IGLON5: variants seen among roughly 807,000 people sequenced by gnomAD.
IGLON5 encodes IgLON family member 5, also known as Ig-like domain-containing protein ENSP00000270642.
Under a neutral mutation model 38.2 loss-of-function variants are expected in IGLON5, and 16 were observed. The observed-to-expected ratio is 0.42, with a 90% CI of 0.28 to 0.64. The LOEUF is 0.64. Among genes scored for constraint, IGLON5 ranks in the 30% least tolerant of loss-of-function variants. The pLI is 0.23. For synonymous variants in IGLON5, 207 were observed against 216.4 expected, an observed-to-expected ratio of 0.96 and a Z score of 0.38; for missense variants, 366 against 483.4, an observed-to-expected ratio of 0.76 and a Z score of 2.28.
intron 1 of IGLON5, among the ~76,000 whole-genome samples, chr19:51,317,640 C>G (rs1984953783): frequency 6.6e-6 from 1 of 152,190 alleles, no homozygotes; most frequent in Admixed American, 6.5e-5. Context: ...CTCCCCGCTC[C>G]CCTGAGTGGA....
intron 1 of IGLON5, among the ~76,000 whole-genome samples, chr19:51,314,604 T>A (rs1984868748): frequency 6.6e-6 from 1 of 152,174 alleles, no homozygotes; most frequent in East Asian, 1.9e-4. Flanking sequence ...TGGTCTTAGG[T>A]TCCCCTTTTG....
intron 4 of IGLON5, 99 bp from the exon 5 acceptor site, chr19:51,326,665 C>A: frequency 1.0e-5 from 7 of 700,016 alleles, no homozygotes; most frequent in Non-Finnish European, 1.5e-5. Context: ...CAGGCCTTGC[C>A]GTGCCCGCCC....
Position 51,325,299 on chromosome 19 carries a change from G to T in IGLON5, c.392-47G>T. 1 of 1,595,296 alleles carries T rather than the reference G, an allele frequency of 6.3e-7. No individual in the cohort carries two copies. The highest frequency in any genetic ancestry group is 8.5e-7 in the Non-Finnish European group (1 of 1,171,446). On this transcript the variant is annotated intron_variant, in intron 3 of 7. Coordinates refer to ENST00000270642, the MANE Select transcript of IGLON5 (RefSeq NM_001101372.3). This position sits in a 1 kb window ranked among gnomAD's most constrained non-coding sequence, Gnocchi z 5.5. ...GGGTCTGAAGGAGGAAGGGCTGGGG[G>T]CCTGGATTCCTGGGCATCCATATTC...
rs1984942789 is a variant in IGLON5 at position 51,317,035 on chromosome 19, T to C, written c.80-5029T>C. Among the ~76,000 whole-genome samples the C allele has an allele frequency of 2.0e-5, 3 of 151,746 alleles. No individual in the cohort carries two copies. In the South Asian group the frequency reaches 6.2e-4, roughly 32 times the overall value. On this transcript the variant is annotated intron_variant, in intron 1 of 7. Coordinates refer to ENST00000270642, the MANE Select transcript of IGLON5 (RefSeq NM_001101372.3). ...CGACCCCTGCCAACCATTTCAGGGT[T>C]CCAGCTTTGCCTAAGCTCCTTGGCA...
rs1985157530 is a variant in IGLON5 at position 51,324,166 on chromosome 19, A to G, written c.391+272A>G. ...TTCATTTGTTCAGCCCCATTCCTGG[A>G]GGGCCTACTCTGTGTAAGCATTGAT... is the stretch of plus-strand genomic sequence containing the variant. On this transcript the variant is annotated intron_variant, in intron 3 of 7. Transcript: ENST00000270642. The surrounding 1 kb of genome is among the most constrained non-coding windows in gnomAD (Gnocchi z 4.2). Among the ~76,000 whole-genome samples the G allele has an allele frequency of 6.6e-6, 1 of 152,162 alleles. No individual in the cohort carries two copies. Among genetic ancestry groups the G allele is most frequent in the South Asian group, 2.1e-4 (1 of 4,838 alleles).
chr19:51,322,105 A>T lies in IGLON5; in HGVS notation c.121A>T (p.Asn41Tyr). ...QSLEFNSPAD[N>Y]YTVCEGDNAT... ...CCTGGAGTTCAACTCTCCTGCCGAC[A>T]ACTACACAGTGTGTGAAGGTGACAA... is the stretch of plus-strand genomic sequence containing the variant. The change falls in exon 2 of 8, where the codon AAC becomes TAC. Residue 41 changes from asparagine to tyrosine, a missense_variant. Transcript: ENST00000270642. 6.2e-7 allele frequency: 1 copy of T among 1,613,376 alleles called. No homozygotes were observed. Among genetic ancestry groups the T allele is most frequent in the Non-Finnish European group, 8.5e-7 (1 of 1,179,848 alleles).
rs60928654 is a variant in IGLON5 at position 51,329,827 on chromosome 19, G to GAC, written c.*1095_*1096dup. On this transcript the variant is annotated 3_prime_UTR_variant, in exon 8 of 8. Coordinates refer to ENST00000270642, the MANE Select transcript of IGLON5 (RefSeq NM_001101372.3). The surrounding 1 kb of genome is among the most constrained non-coding windows in gnomAD (Gnocchi z 4.3). Reference sequence around the variant, plus strand: ...CACCACACACACATACACACACACAGACACACACACACACACACACACACA... The same window carrying GAC: ...CACCACACACACATACACACACACAGACACACACACACACACACACACACACA... 5,858 of 147,098 alleles carry GAC rather than the reference G, an allele frequency of 0.04. 124 individuals are homozygous for GAC. Among genetic ancestry groups the GAC allele is most frequent in the East Asian group, 0.11 (540 of 4,968 alleles). 9.1% of individuals were successfully genotyped at this position (147,098 alleles called of 1,614,324 possible).
intron 5 of IGLON5, 86 bp from the exon 6 acceptor site, chr19:51,326,994 C>T (rs899621010): frequency 6.9e-6 from 11 of 1,586,600 alleles, no homozygotes; most frequent in African/African-American, 6.7e-5. Flanking sequence ...GCGAGACTTA[C>T]GGGCCTGAGG....
At chr19:51,313,651 C>CTTTCTCTCTCTT (rs1984832651) in intron 1 of IGLON5, among the ~76,000 whole-genome samples, 2 of 62,310 alleles carry the variant, frequency 3.2e-5, no homozygotes, top group East Asian at 7.5e-4. Context: ...CTCTCTTTTT[C>CTTTCTCTCTCTT]TTTCTTTCTT....
intron 1 of IGLON5, among the ~76,000 whole-genome samples, chr19:51,317,457 A>C (rs1203179669): frequency 6.6e-6 from 1 of 152,194 alleles, no homozygotes; most frequent in Non-Finnish European, 1.5e-5. Context: ...AGGTGAAGTA[A>C]CTTGTGTGGC....
At chr19:51,317,314 G>A (rs116323750) in intron 1 of IGLON5, among the ~76,000 whole-genome samples, 1 of 152,342 alleles carries the variant, frequency 6.6e-6, no homozygotes, top group African/African-American at 2.4e-5. Flanking sequence ...ACGGACGGCT[G>A]TTTGCAAGCA....
chr19:51,328,339 CAA>C (rs767807401), intron 7 of IGLON5, among the ~76,000 whole-genome samples: 14 of 124,104 alleles, frequency 1.1e-4, no homozygotes, highest in Admixed American at 3.1e-4. Flanking sequence ...ATGTCTCTAC[CAA>C]AAAAAAAAAA....
intron 1 of IGLON5, among the ~76,000 whole-genome samples, chr19:51,313,651 CTTTCTTTCTT>C (rs1984832779): frequency 1.6e-5 from 1 of 62,310 alleles, no homozygotes; most frequent in Non-Finnish European, 3.0e-5. Context: ...CTCTCTTTTT[CTTTCTTTCTT>C]TCTTTCTTTC....
intron 5 of IGLON5, 85 bp from the exon 6 acceptor site, chr19:51,326,994 CG>C: frequency 6.3e-7 from 1 of 1,586,718 alleles, no homozygotes; most frequent in Non-Finnish European, 8.6e-7. Flanking sequence ...GCGAGACTTA[CG>C]GGCCTGAGGG....
chr19:51,321,636 A>G (rs1360680351), intron 1 of IGLON5, among the ~76,000 whole-genome samples: 1 of 152,088 alleles, frequency 6.6e-6, no homozygotes, highest in Non-Finnish European at 1.5e-5. Context: ...ATATGTTTGT[A>G]CATATGTCTC....
At chr19:51,319,422 G>A (rs977421884) in intron 1 of IGLON5, among the ~76,000 whole-genome samples, 5 of 152,074 alleles carry the variant, frequency 3.3e-5, no homozygotes, top group Non-Finnish European at 7.3e-5. Flanking sequence ...TGACAGTGTT[G>A]CTGTCTTGTT....
In IGLON5 at chr19:51,327,951, G is replaced by A. The variant is rs975368920; in HGVS notation, c.922+65G>A. On this transcript the variant is annotated intron_variant, in intron 7 of 7. Coordinates refer to ENST00000270642, the MANE Select transcript of IGLON5 (RefSeq NM_001101372.3). This position sits in a 1 kb window ranked among gnomAD's most constrained non-coding sequence, Gnocchi z 7.1. Reference sequence around the variant, plus strand: ...GGCCGGGGGCGGGGCTAGGGAAGTGGAGACGCCGGGACCGCCCTTCAGGCT... The same window carrying A: ...GGCCGGGGGCGGGGCTAGGGAAGTGAAGACGCCGGGACCGCCCTTCAGGCT... 3.5e-6 allele frequency: 5 copies of A among 1,428,500 alleles called. No homozygotes were observed. The African/African-American group carries it at 7.3e-5, about 21-fold the overall frequency. The allele number at this position is 1,428,500 out of a possible 1,614,324, so 88.5% of individuals were successfully genotyped here.
At chr19:51,323,282 G>GTT (rs1457117397) in intron 2 of IGLON5, among the ~76,000 whole-genome samples, 1 of 146,578 alleles carries the variant, frequency 6.8e-6, no homozygotes, top group East Asian at 2.1e-4. Context: ...CTCTGTGTGT[G>GTT]TGTGTGTCTC....
At chr19:51,312,106 G>C (rs1984780808) in intron 1 of IGLON5, among the ~76,000 whole-genome samples, 180 bp downstream of exon 1, 1 of 151,886 alleles carries the variant, frequency 6.6e-6, no homozygotes, top group Admixed American at 6.5e-5. Flanking sequence ...GGGGGACCTC[G>C]GACGTGGGGG....
Sources: gnomAD v4.1 joint callset for allele counts (sites outside exome capture counted in the v4.1 genomes callset) on GRCh38, gnomAD v4.1.1 for gene constraint, Gnocchi (gnomAD v3.1) non-coding constraint, MANE v1.5 for transcripts, NCBI Gene and HGNC (gene_info 2026-07-23, HGNC 2026-07-21) for gene names.